Variants in ELAC2 observed in about 807,000 individuals in gnomAD.
ELAC2 encodes elaC ribonuclease Z 2.
Under a neutral mutation model 105.2 loss-of-function variants are expected in ELAC2, and 92 were observed. The observed-to-expected ratio is 0.87, with a 90% CI of 0.74 to 1.04. ELAC2 has a LOEUF of 1.04. Ranked by LOEUF, ELAC2 falls within the 50% of genes least tolerant of loss-of-function variation. ELAC2 has a pLI of 0.00. For missense variants in ELAC2, 1,099 were observed against 1,071.7 expected, an observed-to-expected ratio of 1.03 and a Z score of -0.36; for synonymous variants, 468 against 409.1, an observed-to-expected ratio of 1.14 and a Z score of -1.74.
At chr17:13,005,597 C>T (rs931506009) in intron 10 of ELAC2, among the ~76,000 whole-genome samples, 156 bp downstream of exon 10, 1 of 152,178 alleles carries the variant, frequency 6.6e-6, no homozygotes, top group Non-Finnish European at 1.5e-5. Flanking sequence ...GGGACAAACA[C>T]AGATAAAAGA....
chr17:12,998,561 A>G (rs2040592509), intron 15 of ELAC2, 53 bp from the exon 16 acceptor site: 2 of 1,508,776 alleles, frequency 1.3e-6, no homozygotes, highest in Non-Finnish European at 9.2e-7. Flanking sequence ...AAAGTGAGCC[A>G]GCATGCAGCC....
intron 6 of ELAC2, among the ~76,000 whole-genome samples, chr17:13,012,558 T>C (rs1303595136): frequency 6.6e-6 from 1 of 152,222 alleles, no homozygotes; most frequent in Admixed American, 6.5e-5. Context: ...CCTCATCTCC[T>C]CGCCAGGTTC....
In ELAC2 at chr17:12,992,135, AT is replaced by A. The variant is rs66644127; in HGVS notation, c.*682del. Among the ~76,000 whole-genome samples the A allele has an allele frequency of 0.011, 1,404 of 124,924 alleles. 73 individuals are homozygous for A. The East Asian group carries it at 0.15, about 13-fold the overall frequency. The allele number at this position is 124,924 out of a possible 152,430, so 82.0% of individuals were successfully genotyped here. ...AGGCTCTCACTGATTGATTTGATTG[AT>A]TGATTGATTGATTGATAGAGAAAGC... On this transcript the variant is annotated 3_prime_UTR_variant, in exon 24 of 24. Transcript: ENST00000338034.
chr17:12,996,495 C>T (rs374258668), intron 17 of ELAC2, 52 bp downstream of exon 17: 58 of 1,612,060 alleles, frequency 3.6e-5, no homozygotes, highest in African/African-American at 1.5e-4. Flanking sequence ...GCCAACTCAA[C>T]GTGGCAGTGC....
At chr17:13,000,621 T>C (rs73981609) in intron 14 of ELAC2, 101,169 of 362,340 alleles carry the variant, frequency 0.28, 14,780 homozygotes, top group Middle Eastern at 0.34. Context: ...CGTTTCCAGA[T>C]GTTGCCAAAT....
At chr17:13,001,181 A>G (rs1392046038) in intron 14 of ELAC2, among the ~76,000 whole-genome samples, 2 of 152,176 alleles carry the variant, frequency 1.3e-5, no homozygotes, top group African/African-American at 2.4e-5. Context: ...AGGAAACTTA[A>G]AATCAAGGTT....
chr17:13,007,168 A>G (rs997447540), intron 8 of ELAC2, among the ~76,000 whole-genome samples: 2 of 152,178 alleles, frequency 1.3e-5, no homozygotes, highest in Non-Finnish European at 2.9e-5. Context: ...AGAAAGGCAA[A>G]CAATAATTCT....
intron 11 of ELAC2, among the ~76,000 whole-genome samples, 169 bp downstream of exon 11, chr17:13,004,820 C>G (rs2041017133): frequency 6.6e-6 from 1 of 152,182 alleles, no homozygotes; most frequent in Non-Finnish European, 1.5e-5. Flanking sequence ...GCTGTGTACA[C>G]CGGAGCCCAC....
At chr17:12,993,612 A>G in intron 23 of ELAC2, 75 bp downstream of exon 23, 1 of 1,603,786 alleles carries the variant, frequency 6.2e-7, no homozygotes, top group East Asian at 2.2e-5. Context: ...ACTCCAGCTG[A>G]CCGTCCTACT....
intron 11 of ELAC2, among the ~76,000 whole-genome samples, chr17:13,004,763 G>C (rs2041015591): frequency 6.6e-6 from 1 of 152,208 alleles, no homozygotes; most frequent in Non-Finnish European, 1.5e-5. Context: ...TGAATTTCTA[G>C]TCCTCAGTTG....
At chr17:13,008,051 A>G (rs1485309763) in intron 8 of ELAC2, among the ~76,000 whole-genome samples, 2 of 152,158 alleles carry the variant, frequency 1.3e-5, no homozygotes, top group East Asian at 1.9e-4. Flanking sequence ...CAATACAAAA[A>G]TTAGCCGGGC....
At chr17:13,007,815 T>C (rs1172883658) in intron 8 of ELAC2, among the ~76,000 whole-genome samples, 1 of 151,624 alleles carries the variant, frequency 6.6e-6, no homozygotes, top group Non-Finnish European at 1.5e-5. Flanking sequence ...GAGGAGGAGG[T>C]TGCAGTGAGC....
At chr17:13,001,088 C>T (rs942715934) in intron 14 of ELAC2, among the ~76,000 whole-genome samples, 3 of 152,210 alleles carry the variant, frequency 2.0e-5, no homozygotes, top group African/African-American at 7.2e-5. Flanking sequence ...TAAAGGGCCC[C>T]AACTACCCAA....
At chr17:13,017,448 T>C (rs959108705) in intron 1 of ELAC2, 6 of 717,334 alleles carry the variant, frequency 8.4e-6, no homozygotes, top group Middle Eastern at 4.0e-4. Context: ...GCTCCGAAAG[T>C]GCTGACAGCC....
intron 1 of ELAC2, 78 bp downstream of exon 1, chr17:13,017,625 C>G: frequency 6.2e-7 from 1 of 1,605,218 alleles, no homozygotes; most frequent in East Asian, 2.2e-5. Flanking sequence ...GAAGCCGAAG[C>G]CCTGGGAGGT....
intron 11 of ELAC2, 25 bp from the exon 12 acceptor site, chr17:13,003,599 A>C (rs2143613464): frequency 2.5e-6 from 4 of 1,604,920 alleles, no homozygotes; most frequent in South Asian, 1.1e-5. Context: ...GGGGCTTTAC[A>C]AAGTGATGCA....
chr17:13,016,322 A>C lies in ELAC2; in HGVS notation c.368-490T>G, dbSNP rs2041718476. Among the ~76,000 whole-genome samples, 3 of 152,236 alleles carry C rather than the reference A, an allele frequency of 2.0e-5. No homozygotes were observed. In the South Asian group the frequency reaches 6.2e-4, roughly 32 times the overall value. On this transcript the variant is annotated intron_variant, in intron 3 of 23. Coordinates refer to ENST00000338034, the MANE Select transcript of ELAC2 (RefSeq NM_018127.7). ...AATGGCGTCTGCGGTAAACATATTA[A>C]CTGTAATCACCACTGCTAGACTCTC... is the stretch of plus-strand genomic sequence containing the variant.
rs1373208142 is a variant in ELAC2, at chr17:12,992,085, C to T, written c.*733G>A. On this transcript the variant is annotated 3_prime_UTR_variant, in exon 24 of 24. Transcript: ENST00000338034. Reference sequence around the variant, plus strand: ...AGAACCACCAGAAGACTTGCATTTCCCTGACCAATGACACCAGCCCAGCCA... The same window carrying T: ...AGAACCACCAGAAGACTTGCATTTCTCTGACCAATGACACCAGCCCAGCCA... 6.6e-6 allele frequency among the ~76,000 whole-genome samples: 1 copy of T among 152,146 alleles called. No homozygotes were observed. Among genetic ancestry groups the T allele is most frequent in the Non-Finnish European group, 1.5e-5 (1 of 68,028 alleles).
intron 14 of ELAC2, chr17:13,000,481 C>T (rs960150742): frequency 5.2e-5 from 32 of 613,032 alleles, no homozygotes; most frequent in South Asian, 1.1e-4. Context: ...GGCCAGTCAA[C>T]GGGGAACTAC....
Sources: allele counts gnomAD v4.1 joint callset (sites outside exome capture counted in the v4.1 genomes callset), GRCh38; gene constraint gnomAD v4.1.1; transcripts MANE v1.5; gene names NCBI Gene and HGNC (gene_info 2026-07-23, HGNC 2026-07-21).